The following IFT80 variants were observed in gnomAD, a reference collection of about 807,000 sequenced individuals.
The protein encoded by IFT80 is intraflagellar transport 80.
IFT80 carries 79 observed loss-of-function variants against 107.9 expected under a neutral mutation model. The observed-to-expected ratio is 0.73, with a 90% CI of 0.61 to 0.88. IFT80 has a LOEUF of 0.88. IFT80 is among the 40% of genes least tolerant of loss of function. The probability of loss-of-function intolerance (pLI) is 0.00; values close to 1 mark genes in which losing one functional copy is unlikely to be tolerated. For synonymous variants in IFT80, 299 were observed against 300.9 expected, an observed-to-expected ratio of 0.99 and a Z score of 0.07; for missense variants, 797 against 914.2, an observed-to-expected ratio of 0.87 and a Z score of 1.65.
intron 2 of IFT80, among the ~76,000 whole-genome samples, chr3:160,382,097 G>C (rs890742709): frequency 6.6e-6 from 1 of 152,106 alleles, no homozygotes. Flanking sequence ...GATAGGTAGG[G>C]AGCAAAGGGA....
intron 8 of IFT80, among the ~76,000 whole-genome samples, chr3:160,346,113 T>C (rs546966725): frequency 1.1e-4 from 17 of 152,236 alleles, no homozygotes; most frequent in African/African-American, 4.1e-4. Context: ...AGGTGGTGCG[T>C]AGTGGGGAAT....
rs543081920 is a variant in IFT80 at position 160,357,126 on chromosome 3, G to T, written c.639+363C>A. Among the ~76,000 whole-genome samples, 196 of 152,202 alleles carry T rather than the reference G, an allele frequency of 1.3e-3. 1 individual carries two copies. Among genetic ancestry groups the T allele is most frequent in the African/African-American group, 4.5e-3 (188 of 41,526 alleles). ...ATAGTCTTTCTTTTTCTGAGAGAGG[G>T]TCTCACTTTGTTGCTCAGGCTGGAA... On this transcript the variant is annotated intron_variant, in intron 7 of 19. Coordinates refer to ENST00000326448, the MANE Select transcript of IFT80 (RefSeq NM_020800.3).
At chr3:160,336,886 A>G (rs1719517246) in intron 8 of IFT80, among the ~76,000 whole-genome samples, 1 of 152,164 alleles carries the variant, frequency 6.6e-6, no homozygotes, top group Non-Finnish European at 1.5e-5. Flanking sequence ...AAAATACTTT[A>G]TCCCCATGCC....
intron 12 of IFT80, among the ~76,000 whole-genome samples, chr3:160,290,630 G>C (rs1033682109): frequency 6.6e-6 from 1 of 152,094 alleles, no homozygotes. Flanking sequence ...GACCAGGCTG[G>C]AGTGCAGTGG....
At chr3:160,331,818 T>C (rs190053700) in intron 8 of IFT80, among the ~76,000 whole-genome samples, 7 of 152,108 alleles carry the variant, frequency 4.6e-5, no homozygotes, top group African/African-American at 1.4e-4. Context: ...TGCCAAGACA[T>C]TGGGATTTTT....
intron 1 of IFT80, among the ~76,000 whole-genome samples, chr3:160,393,423 A>G (rs1713532663): frequency 6.6e-6 from 1 of 152,228 alleles, no homozygotes; most frequent in South Asian, 2.1e-4. Context: ...CTAGTACAAA[A>G]GGACAAATAC....
chr3:160,379,566 G>A (rs1433420238), intron 3 of IFT80, among the ~76,000 whole-genome samples: 3 of 152,130 alleles, frequency 2.0e-5, no homozygotes, highest in South Asian at 2.1e-4. Flanking sequence ...TGCTGGGGGC[G>A]AGGAGGGTTT....
chr3:160,368,692 A>G (rs997570136), intron 5 of IFT80, among the ~76,000 whole-genome samples: 1 of 152,014 alleles, frequency 6.6e-6, no homozygotes, highest in African/African-American at 2.4e-5. Flanking sequence ...CTTGGTGAGG[A>G]CTGGAAAGGA....
rs79756374 is a variant in IFT80, at chr3:160,384,640, G to A, written c.-40C>T. Reference sequence around the variant, plus strand: ...CAAAAATTTAAGATGCCACTTGATTGTATTTACTGTAAAAATAAAAGGAGA... The same window carrying A: ...CAAAAATTTAAGATGCCACTTGATTATATTTACTGTAAAAATAAAAGGAGA... On this transcript the variant is annotated 5_prime_UTR_variant, in exon 2 of 20. Transcript: ENST00000326448. 3.3e-3 allele frequency: 5,161 copies of A among 1,583,396 alleles called. 147 individuals carry two copies. The African/African-American group carries it at 0.062, about 19-fold the overall frequency.
intron 9 of IFT80, among the ~76,000 whole-genome samples, chr3:160,309,291 T>C (rs575351531): frequency 1.3e-5 from 2 of 152,282 alleles, no homozygotes; most frequent in African/African-American, 4.8e-5. Context: ...AAATGTCTAT[T>C]GATAAGGGAC....
At chr3:160,360,766 T>C (rs1721432473) in intron 6 of IFT80, among the ~76,000 whole-genome samples, 1 of 152,144 alleles carries the variant, frequency 6.6e-6, no homozygotes, top group African/African-American at 2.4e-5. Context: ...CTAAGCTTCA[T>C]AAGTGAAGGA....
intron 8 of IFT80, among the ~76,000 whole-genome samples, chr3:160,344,786 C>A (rs951276462): frequency 6.6e-6 from 1 of 152,096 alleles, no homozygotes; most frequent in African/African-American, 2.4e-5. Context: ...GGCAAAAGAT[C>A]TGAATAGACA....
chr3:160,306,401 A>C (rs1576782459), intron 10 of IFT80, among the ~76,000 whole-genome samples: 1 of 152,278 alleles, frequency 6.6e-6, no homozygotes, highest in East Asian at 1.9e-4. Context: ...CAAACACTGA[A>C]CTGAAAAGAT....
chr3:160,391,220 G>A (rs1713357511), intron 1 of IFT80, among the ~76,000 whole-genome samples: 1 of 152,044 alleles, frequency 6.6e-6, no homozygotes, highest in Non-Finnish European at 1.5e-5. Context: ...ATTCTTTCTT[G>A]GGCCATCCCA....
At chr3:160,288,563 T>C (rs2152424) in intron 12 of IFT80, among the ~76,000 whole-genome samples, 32,365 of 151,866 alleles carry the variant, frequency 0.21, 3,648 homozygotes, top group Non-Finnish European at 0.25. Flanking sequence ...ACCTACAGAA[T>C]AGGAGAAAAT....
intron 3 of IFT80, among the ~76,000 whole-genome samples, chr3:160,379,788 C>T (rs1469787722): frequency 6.6e-6 from 1 of 152,188 alleles, no homozygotes; most frequent in Non-Finnish European, 1.5e-5. Flanking sequence ...CAGGGCCAAT[C>T]TTCTAAGTGC....
intron 1 of IFT80, among the ~76,000 whole-genome samples, chr3:160,397,895 AT>A (rs1576919058): frequency 6.6e-6 from 1 of 151,460 alleles, no homozygotes; most frequent in East Asian, 1.9e-4. Flanking sequence ...CTAATTTTTT[AT>A]TTTTAGTAGA....
At chr3:160,258,656 A>G (rs1236585411) in intron 19 of IFT80, 21 bp from the exon 20 acceptor site, 4 of 1,575,468 alleles carry the variant, frequency 2.5e-6, no homozygotes, top group Non-Finnish European at 1.7e-6. Flanking sequence ...AAAAAAAAAG[A>G]AGAAATATGC....
At chr3:160,277,798 TA>T (rs1010453147) in intron 16 of IFT80, 128 bp from the exon 17 acceptor site, 78 of 652,736 alleles carry the variant, frequency 1.2e-4, no homozygotes, top group Middle Eastern at 8.1e-4. Flanking sequence ...AGCAGGGCAT[TA>T]AAAAAAACTA....
Sources: allele counts gnomAD v4.1 joint callset (sites outside exome capture counted in the v4.1 genomes callset), GRCh38; gene constraint gnomAD v4.1.1; transcripts MANE v1.5; gene names NCBI Gene and HGNC (gene_info 2026-07-23, HGNC 2026-07-21).